The following NFASC variants were observed in gnomAD, a reference collection of about 807,000 sequenced individuals.
NFASC encodes the protein neurofascin homolog.
A neutral mutation model predicts 147.5 loss-of-function variants in NFASC; 43 were observed. That is an observed-to-expected ratio of 0.29 (90% CI 0.23 to 0.38). NFASC has a LOEUF of 0.38. Ranked by LOEUF, NFASC falls within the 10% of genes least tolerant of loss-of-function variation. NFASC has a pLI of 1.00. For synonymous variants in NFASC, 622 were observed against 665.5 expected, an observed-to-expected ratio of 0.93 and a Z score of 1.01; for missense variants, 1,320 against 1,689.0, an observed-to-expected ratio of 0.78 and a Z score of 3.83.
At chr1:204,974,538 C>T (rs1558319488) in intron 13 of NFASC, 119 bp from the exon 14 acceptor site, 10 of 1,228,110 alleles carry the variant, frequency 8.1e-6, no homozygotes, top group Non-Finnish European at 1.2e-5. Flanking sequence ...CTCAGGGCTC[C>T]AGTCTCCTAG....
intron 1 of NFASC, among the ~76,000 whole-genome samples, chr1:204,866,747 A>G (rs1180079124): frequency 2.0e-5 from 3 of 152,230 alleles, no homozygotes; most frequent in East Asian, 1.9e-4. Context: ...CTCCCTGACT[A>G]TAAGTTTTTC....
rs537227719 is a variant in NFASC at position 204,855,522 on chromosome 1, G to A, written c.-200+26740G>A. On this transcript the variant is annotated intron_variant, in intron 1 of 29. Transcript: ENST00000339876. ...GGGGTGGGTGAGATATGGGGAGGAG[G>A]AATAGTAAAGAGACCTCTGAGCACA... 9.9e-5 allele frequency among the ~76,000 whole-genome samples: 15 copies of A among 152,284 alleles called. No homozygotes were observed. In the East Asian group the frequency reaches 2.7e-3, roughly 27 times the overall value.
rs982745996 is a variant in NFASC, at chr1:204,987,110, T to C, written c.2471-308T>C. Reference sequence around the variant, plus strand: ...GGCTCTGCCCAATTTCGAGGTATCTTTGCAGAATCAGAGCCTAACATGTGC... The same window carrying C: ...GGCTCTGCCCAATTTCGAGGTATCTCTGCAGAATCAGAGCCTAACATGTGC... On this transcript the variant is annotated intron_variant, in intron 21 of 29. Transcript: ENST00000339876. This position sits in a 1 kb window ranked among gnomAD's most constrained non-coding sequence, Gnocchi z 4.4. 4.0e-5 allele frequency: 16 copies of C among 400,944 alleles called. No individual in the cohort carries two copies. Among genetic ancestry groups the C allele is most frequent in the Non-Finnish European group, 6.3e-5 (14 of 220,998 alleles). 24.8% of individuals were successfully genotyped at this position (400,944 alleles called of 1,614,324 possible). A position where few individuals can be genotyped will look rare whatever the true frequency, so the allele number is the denominator to read the frequency against.
chr1:204,976,584 C>T (rs1574028912), intron 15 of NFASC, 87 bp from the exon 16 acceptor site: 6 of 1,007,296 alleles, frequency 6.0e-6, no homozygotes, highest in Non-Finnish European at 7.5e-6. Context: ...CCTCCTGACT[C>T]GAGAACCCCC....
intron 26 of NFASC, among the ~76,000 whole-genome samples, 200 bp downstream of exon 26, chr1:205,001,486 G>A (rs1394212960): frequency 1.3e-5 from 2 of 152,168 alleles, no homozygotes; most frequent in African/African-American, 4.8e-5. Flanking sequence ...GGAAAAGGAA[G>A]GGGGCTTCTC....
chr1:204,928,381 C>T (rs989896463), intron 2 of NFASC, among the ~76,000 whole-genome samples: 5 of 152,158 alleles, frequency 3.3e-5, no homozygotes, highest in East Asian at 3.9e-4. Context: ...CGGCGATGTC[C>T]TCCCCAGTGT....
intron 28 of NFASC, 107 bp downstream of exon 28, chr1:205,009,795 A>C (rs2096216242): frequency 1.7e-6 from 2 of 1,207,108 alleles, no homozygotes; most frequent in Non-Finnish European, 2.3e-6. Flanking sequence ...CAGTGAAGCC[A>C]GCCCTTGCCC....
intron 1 of NFASC, among the ~76,000 whole-genome samples, chr1:204,873,744 G>A (rs1393687438): frequency 6.6e-6 from 1 of 152,222 alleles, no homozygotes; most frequent in Admixed American, 6.5e-5. Flanking sequence ...CATCTGGATG[G>A]GGATGGGGGA....
chr1:204,997,116 A>T, intron 24 of NFASC, 54 bp from the exon 25 acceptor site: 2 of 1,571,452 alleles, frequency 1.3e-6, no homozygotes, highest in Non-Finnish European at 8.7e-7. Flanking sequence ...CCGTGTGTCC[A>T]GGCTGGGCAC....
intron 1 of NFASC, among the ~76,000 whole-genome samples, chr1:204,887,115 C>T (rs969296273): frequency 5.9e-5 from 9 of 152,216 alleles, no homozygotes; most frequent in Admixed American, 5.2e-4. Flanking sequence ...TCTCATCTTC[C>T]CAAAATTAAA....
intron 1 of NFASC, among the ~76,000 whole-genome samples, chr1:204,909,387 G>T (rs1305981519): frequency 1.3e-5 from 2 of 152,046 alleles, no homozygotes; most frequent in East Asian, 3.8e-4. Flanking sequence ...CGTATTTGTT[G>T]TCTGTATTTC....
chr1:204,922,858 C>T (rs2149464729), intron 2 of NFASC, among the ~76,000 whole-genome samples: 1 of 152,310 alleles, frequency 6.6e-6, no homozygotes, highest in African/African-American at 2.4e-5. Flanking sequence ...GAAGCTGACC[C>T]AGGCTTCTTT....
Position 204,914,322 on chromosome 1 carries a change from C to T in NFASC, c.-199-6310C>T, listed in dbSNP as rs117484997. On this transcript the variant is annotated intron_variant, in intron 1 of 29. Coordinates refer to ENST00000339876, the MANE Select transcript of NFASC (RefSeq NM_001005388.3). ...GGTGGAGGTAATTGAATCATGGGGG[C>T]AGTTTCCTCCATGCTATGCTCATAA... 2.6e-4 allele frequency among the ~76,000 whole-genome samples: 40 copies of T among 152,250 alleles called. No homozygotes were observed. In the East Asian group the frequency reaches 6.7e-3, roughly 26 times the overall value.
chr1:204,873,131 G>A (rs773337224), intron 1 of NFASC, among the ~76,000 whole-genome samples: 1 of 140,476 alleles, frequency 7.1e-6, no homozygotes, highest in African/African-American at 3.1e-5. Context: ...AGTGAGGGGG[G>A]CTATGTGAAA....
chr1:204,942,736 G>A (rs1558183687), intron 2 of NFASC, among the ~76,000 whole-genome samples: 1 of 152,328 alleles, frequency 6.6e-6, no homozygotes, highest in South Asian at 2.1e-4. Flanking sequence ...TCAAAACCAC[G>A]GTGGTGGCAG....
At chr1:204,855,064 C>T (rs1274351869) in intron 1 of NFASC, among the ~76,000 whole-genome samples, 1 of 152,350 alleles carries the variant, frequency 6.6e-6, no homozygotes, top group Non-Finnish European at 1.5e-5. Context: ...CACAAGGACT[C>T]CTGAGACTCA....
intron 3 of NFASC, 66 bp downstream of exon 3, chr1:204,944,472 G>GTTGGT: frequency 2.5e-6 from 1 of 402,576 alleles, no homozygotes. Flanking sequence ...GGAGGGGAGG[G>GTTGGT]AAGGTCAGAG....
chr1:204,869,973 G>A (rs1435124396), intron 1 of NFASC, among the ~76,000 whole-genome samples: 1 of 152,106 alleles, frequency 6.6e-6, no homozygotes, highest in Non-Finnish European at 1.5e-5. Flanking sequence ...TGCAATGAAG[G>A]GTATAAACAT....
intron 1 of NFASC, among the ~76,000 whole-genome samples, chr1:204,885,432 C>T (rs971940651): frequency 2.0e-5 from 3 of 152,114 alleles, no homozygotes; most frequent in Non-Finnish European, 4.4e-5. Flanking sequence ...TTGCCAAAGT[C>T]CAGAAAATCT....
Sources: gnomAD v4.1 joint callset for allele counts (sites outside exome capture counted in the v4.1 genomes callset) on GRCh38, gnomAD v4.1.1 for gene constraint, Gnocchi (gnomAD v3.1) non-coding constraint, MANE v1.5 for transcripts, NCBI Gene and HGNC (gene_info 2026-07-23, HGNC 2026-07-21) for gene names.